KHDRBS2: variants seen among roughly 807,000 people sequenced by gnomAD.
The protein encoded by KHDRBS2 is KH RNA binding domain containing, signal transduction associated 2.
A neutral mutation model predicts 44.3 loss-of-function variants in KHDRBS2; 26 were observed. The ratio of observed to expected loss-of-function variants is 0.59; its 90% CI spans 0.43 to 0.81. KHDRBS2 has a LOEUF of 0.81. Ranked by LOEUF, KHDRBS2 falls within the 40% of genes least tolerant of loss-of-function variation. The pLI, the probability that KHDRBS2 is intolerant of heterozygous loss-of-function variation, is 0.00. For missense variants in KHDRBS2, 476 were observed against 433.1 expected (o/e 1.10, Z -0.88); for synonymous variants, 194 against 151.1 (o/e 1.28, Z -2.08).
the KHDRBS2 span, among the ~76,000 whole-genome samples, chr6:61,544,777 G>T: frequency 6.6e-6 from 1 of 152,088 alleles, no homozygotes; most frequent in African/African-American, 2.4e-5. Flanking sequence ...TGTGTCCTTT[G>T]TAGGGACATG....
At chr6:62,083,812 A>C (rs188544856) in intron 2 of KHDRBS2, among the ~76,000 whole-genome samples, 1 of 152,290 alleles carries the variant, frequency 6.6e-6, no homozygotes, top group East Asian at 1.9e-4. Context: ...ACTATTATAC[A>C]TACTTTTGTA....
At chr6:62,083,494 T>C (rs1273936471) in intron 2 of KHDRBS2, among the ~76,000 whole-genome samples, 1 of 152,108 alleles carries the variant, frequency 6.6e-6, no homozygotes, top group Non-Finnish European at 1.5e-5. Flanking sequence ...ACTGAGCTGT[T>C]TACCACTTAA....
chr6:61,543,185 A>T, the KHDRBS2 span, among the ~76,000 whole-genome samples: 2 of 152,022 alleles, frequency 1.3e-5, no homozygotes, highest in Non-Finnish European at 2.9e-5. Context: ...AACCCAAAGA[A>T]TGGGAGAAAA....
At chr6:62,043,744 ATCT>A (rs1485597162) in intron 3 of KHDRBS2, among the ~76,000 whole-genome samples, 24 of 152,080 alleles carry the variant, frequency 1.6e-4, no homozygotes, top group Non-Finnish European at 3.1e-4. Flanking sequence ...TTAAACTTGA[ATCT>A]TCTTATTAGA....
chr6:61,825,935 GATGGTTAAATAAC>G (rs2084301189), intron 6 of KHDRBS2, among the ~76,000 whole-genome samples: 1 of 152,136 alleles, frequency 6.6e-6, no homozygotes, highest in African/African-American at 2.4e-5. Context: ...TTGTAAAACT[GATGGTTAAATAAC>G]TTTGTAAGAA....
intron 6 of KHDRBS2, among the ~76,000 whole-genome samples, chr6:61,789,200 A>G (rs926599316): frequency 6.6e-6 from 1 of 151,504 alleles, no homozygotes; most frequent in Non-Finnish European, 1.5e-5. Flanking sequence ...ATTAGTTAAT[A>G]TTTGTAGAAA....
At chr6:62,108,154 G>A (rs934740477) in intron 2 of KHDRBS2, among the ~76,000 whole-genome samples, 3 of 152,034 alleles carry the variant, frequency 2.0e-5, no homozygotes, top group African/African-American at 7.2e-5. Context: ...AGAGTGAACA[G>A]GCAACCTACA....
chr6:61,585,513 CTAAGA>C, the KHDRBS2 span, among the ~76,000 whole-genome samples: 3 of 151,984 alleles, frequency 2.0e-5, no homozygotes, highest in East Asian at 1.9e-4. Flanking sequence ...TTCCTATTCT[CTAAGA>C]TAAGAGGCTT....
intron 7 of KHDRBS2, among the ~76,000 whole-genome samples, chr6:61,709,175 G>C (rs999298609): frequency 3.3e-5 from 5 of 151,432 alleles, no homozygotes; most frequent in Non-Finnish European, 5.9e-5. Flanking sequence ...TCTCTTTTTC[G>C]TATGCATAAA....
At chr6:61,658,993 G>C in the KHDRBS2 span, 1 of 151,728 alleles carries the variant, frequency 6.6e-6, no homozygotes, top group Non-Finnish European at 1.5e-5. Context: ...GAACAAATTT[G>C]ATTATCAGCA....
chr6:61,768,995 A>C (rs927831849), intron 6 of KHDRBS2, among the ~76,000 whole-genome samples: 1 of 152,150 alleles, frequency 6.6e-6, no homozygotes, highest in African/African-American at 2.4e-5. Flanking sequence ...TTATATTGCC[A>C]GTCCTTTTTG....
the KHDRBS2 span, among the ~76,000 whole-genome samples, chr6:61,578,602 C>T: frequency 6.6e-6 from 1 of 152,104 alleles, no homozygotes; most frequent in Admixed American, 6.6e-5. Context: ...CTTATAAAAA[C>T]CAAATTGGAT....
At chr6:61,639,093 A>T in the KHDRBS2 span, among the ~76,000 whole-genome samples, 1 of 152,148 alleles carries the variant, frequency 6.6e-6, no homozygotes, top group African/African-American at 2.4e-5. Flanking sequence ...CTATTGGAAT[A>T]CATAAACAGT....
chr6:62,176,541 T>C lies in KHDRBS2; in HGVS notation c.219+644A>G, dbSNP rs145558711. Among the ~76,000 whole-genome samples the C allele has an allele frequency of 2.5e-3, 383 of 151,412 alleles. 3 individuals are homozygous for C. The highest frequency in any genetic ancestry group is 8.5e-3 in the African/African-American group (351 of 41,498). On this transcript the variant is annotated intron_variant, in intron 2 of 8. Coordinates refer to ENST00000281156, the MANE Select transcript of KHDRBS2 (RefSeq NM_152688.4). ...TGAGTTTACATTTTAGTTTCCTTCATTCATTTGACCAAAAAAAATCCCTCT... is the reference window on the plus strand; with the variant it reads ...TGAGTTTACATTTTAGTTTCCTTCACTCATTTGACCAAAAAAAATCCCTCT...
At chr6:62,174,217 G>A (rs1315025383) in intron 2 of KHDRBS2, among the ~76,000 whole-genome samples, 2 of 151,550 alleles carry the variant, frequency 1.3e-5, no homozygotes, top group African/African-American at 4.8e-5. Context: ...TAAGTTTCAG[G>A]ATACAAAATC....
chr6:61,944,984 G>A (rs530321972), intron 4 of KHDRBS2, among the ~76,000 whole-genome samples: 1 of 150,032 alleles, frequency 6.7e-6, no homozygotes, highest in Admixed American at 6.6e-5. Context: ...CCAGCTACTC[G>A]AGAGGCTGAG....
chr6:61,646,334 G>A, the KHDRBS2 span, among the ~76,000 whole-genome samples: 3 of 152,136 alleles, frequency 2.0e-5, no homozygotes, highest in African/African-American at 7.2e-5. Context: ...TCTTAACACA[G>A]TTTGTGTCCA....
chr6:61,655,241 C>CAA, the KHDRBS2 span, among the ~76,000 whole-genome samples: 1 of 151,350 alleles, frequency 6.6e-6, no homozygotes, highest in African/African-American at 2.4e-5. Flanking sequence ...CACACACACA[C>CAA]ACACACACAC....
At chr6:62,190,176 A>G (rs1719986760) in intron 1 of KHDRBS2, among the ~76,000 whole-genome samples, 1 of 152,184 alleles carries the variant, frequency 6.6e-6, no homozygotes, top group South Asian at 2.1e-4. Context: ...TGCAGAAAGT[A>G]TCTTAAGAAA....
Sources: allele counts gnomAD v4.1 joint callset (sites outside exome capture counted in the v4.1 genomes callset), GRCh38; gene constraint gnomAD v4.1.1; transcripts MANE v1.5; gene names NCBI Gene and HGNC (gene_info 2026-07-23, HGNC 2026-07-21).